The following NKAIN2 variants were observed in gnomAD, a reference collection of about 807,000 sequenced individuals.
NKAIN2 encodes sodium/potassium-transporting ATPase subunit beta-1-interacting protein 2.
In NKAIN2, 14 loss-of-function variants were observed where a neutral mutation model predicts 32.6. The observed-to-expected ratio is 0.43, with a 90% CI of 0.28 to 0.67. The LOEUF (loss-of-function observed/expected upper bound fraction) is 0.67, where lower values mean the gene tolerates loss of function less well. Ranked by LOEUF, NKAIN2 falls within the 30% of genes least tolerant of loss-of-function variation. The pLI is 0.17. For synonymous variants in NKAIN2, 80 were observed against 87.2 expected (o/e 0.92, Z 0.46); for missense variants, 198 against 258.3 (o/e 0.77, Z 1.60).
chr6:124,538,730 G>T (rs1401110713), intron 3 of NKAIN2, among the ~76,000 whole-genome samples: 1 of 152,046 alleles, frequency 6.6e-6, no homozygotes, highest in Non-Finnish European at 1.5e-5. Context: ...TAACTTTAAA[G>T]ATTAAATCGT....
chr6:124,024,297 C>A (rs868430238), intron 1 of NKAIN2, among the ~76,000 whole-genome samples: 7 of 152,016 alleles, frequency 4.6e-5, no homozygotes, highest in Non-Finnish European at 1.0e-4. Context: ...ATTTCATATA[C>A]CCAGATTACT....
intron 3 of NKAIN2, among the ~76,000 whole-genome samples, chr6:124,524,413 C>G (rs1008043969): frequency 6.6e-6 from 1 of 152,086 alleles, no homozygotes; most frequent in African/African-American, 2.4e-5. Context: ...ATTTACTATA[C>G]CTTCAGTTTG....
At chr6:123,816,031 T>C (rs190170747) in intron 1 of NKAIN2, among the ~76,000 whole-genome samples, 453 of 152,234 alleles carry the variant, frequency 3.0e-3, no homozygotes, top group Non-Finnish European at 4.7e-3. Flanking sequence ...CATAGGTTGA[T>C]CAAACAATAT....
chr6:124,387,177 A>G (rs965956160), intron 3 of NKAIN2, among the ~76,000 whole-genome samples: 1 of 152,178 alleles, frequency 6.6e-6, no homozygotes, highest in African/African-American at 2.4e-5. Flanking sequence ...ATGCATATAC[A>G]TACATACATT....
chr6:123,845,601 G>A (rs1442975911), intron 1 of NKAIN2, among the ~76,000 whole-genome samples: 1 of 152,156 alleles, frequency 6.6e-6, no homozygotes, highest in Admixed American at 6.5e-5. Context: ...TCAGCCAAAT[G>A]TGGATTGCAA....
chr6:124,589,373 A>G (rs978697257), intron 3 of NKAIN2, among the ~76,000 whole-genome samples: 1 of 152,202 alleles, frequency 6.6e-6, no homozygotes, highest in African/African-American at 2.4e-5. Flanking sequence ...CTCAATGGGA[A>G]GTACTCTAAT....
At chr6:124,373,239 G>A (rs944076522) in intron 3 of NKAIN2, among the ~76,000 whole-genome samples, 4 of 152,118 alleles carry the variant, frequency 2.6e-5, no homozygotes, top group African/African-American at 9.7e-5. Context: ...GCAGGGTGTA[G>A]GAAGGGAGTG....
rs867801890 is a variant in NKAIN2, at chr6:124,080,947, C to T, written c.55-202058C>T. Among the ~76,000 whole-genome samples, 4 of 152,224 alleles carry T rather than the reference C, an allele frequency of 2.6e-5. No homozygotes were observed. The South Asian group carries it at 8.3e-4, about 32-fold the overall frequency. On this transcript the variant is annotated intron_variant, in intron 1 of 6. Coordinates refer to ENST00000368417, the MANE Select transcript of NKAIN2 (RefSeq NM_001040214.3). Reference sequence around the variant, plus strand: ...TATTGATGATAAACTAACTCGCCTGCATAGGTATAAATCCCACCATAGTAA... The same window carrying T: ...TATTGATGATAAACTAACTCGCCTGTATAGGTATAAATCCCACCATAGTAA...
chr6:124,364,728 C>T (rs979942951), intron 3 of NKAIN2, among the ~76,000 whole-genome samples: 49 of 151,406 alleles, frequency 3.2e-4, no homozygotes, highest in African/African-American at 1.2e-3. Flanking sequence ...GAAGGAAATA[C>T]TAAAGGTAGT....
chr6:124,752,295 A>T (rs1777757833), intron 4 of NKAIN2, among the ~76,000 whole-genome samples: 1 of 151,992 alleles, frequency 6.6e-6, no homozygotes, highest in African/African-American at 2.4e-5. Context: ...AATATTTTAG[A>T]TATGTTTCTT....
chr6:124,547,185 A>G (rs1297495581), intron 3 of NKAIN2, among the ~76,000 whole-genome samples: 1 of 152,216 alleles, frequency 6.6e-6, no homozygotes, highest in Non-Finnish European at 1.5e-5. Flanking sequence ...CAAAGTGAGA[A>G]ACGGTTATTC....
chr6:124,470,716 C>A (rs1467139524), intron 3 of NKAIN2, among the ~76,000 whole-genome samples: 3 of 151,938 alleles, frequency 2.0e-5, no homozygotes, highest in Non-Finnish European at 4.4e-5. Context: ...AGCCATATAG[C>A]AAATGATCTC....
At chr6:123,910,735 A>C (rs1463142102) in intron 1 of NKAIN2, among the ~76,000 whole-genome samples, 1 of 151,666 alleles carries the variant, frequency 6.6e-6, no homozygotes, top group Non-Finnish European at 1.5e-5. Flanking sequence ...CGATCTCTTG[A>C]CCTCGTGATC....
chr6:123,910,499 G>GTGTTTTTTTTTTTTTTTTTTTT (rs1491095246), intron 1 of NKAIN2, among the ~76,000 whole-genome samples: 1 of 81,320 alleles, frequency 1.2e-5, no homozygotes, highest in Admixed American at 1.8e-4. Flanking sequence ...TGCAATGCAT[G>GTGTTTTTTTTTTTTTTTTTTTT]TTTTTTTTTT....
intron 1 of NKAIN2, among the ~76,000 whole-genome samples, chr6:124,075,169 A>G (rs1582590567): frequency 6.6e-6 from 1 of 152,198 alleles, no homozygotes; most frequent in Non-Finnish European, 1.5e-5. Flanking sequence ...CGTTAAGTCT[A>G]TAAACCTATT....
chr6:124,000,214 G>A (rs1319092547), intron 1 of NKAIN2, among the ~76,000 whole-genome samples: 1 of 151,990 alleles, frequency 6.6e-6, no homozygotes, highest in Non-Finnish European at 1.5e-5. Flanking sequence ...ATTCTTAAGA[G>A]ACTCAGAATT....
At chr6:123,834,800 T>A (rs562421286) in intron 1 of NKAIN2, among the ~76,000 whole-genome samples, 1 of 152,038 alleles carries the variant, frequency 6.6e-6, no homozygotes, top group South Asian at 2.1e-4. Context: ...GTCAGATGCT[T>A]TTTTTTTGCG....
At chr6:124,793,938 A>T (rs1779880888) in intron 5 of NKAIN2, among the ~76,000 whole-genome samples, 1 of 152,156 alleles carries the variant, frequency 6.6e-6, no homozygotes, top group South Asian at 2.1e-4. Context: ...CATGGGAAGG[A>T]GTGGGGTCAG....
Position 123,810,394 on chromosome 6 carries a change from G to A in NKAIN2, c.54+6140G>A, listed in dbSNP as rs78291479. On this transcript the variant is annotated intron_variant, in intron 1 of 6. Transcript: ENST00000368417. ...TTAGTCAACACTTAGGTTTAGAGAGGTGGGGTTGATTGATGTCAGGCTCCT... is the reference window on the plus strand; with the variant it reads ...TTAGTCAACACTTAGGTTTAGAGAGATGGGGTTGATTGATGTCAGGCTCCT... Among the ~76,000 whole-genome samples, 1,147 of 152,226 alleles carry A rather than the reference G, an allele frequency of 7.5e-3. 12 individuals are homozygous for A. The highest frequency in any genetic ancestry group is 0.025 in the African/African-American group (1,044 of 41,524).
Sources: allele counts gnomAD v4.1 joint callset (sites outside exome capture counted in the v4.1 genomes callset), GRCh38; gene constraint gnomAD v4.1.1; transcripts MANE v1.5; gene names NCBI Gene and HGNC (gene_info 2026-07-23, HGNC 2026-07-21).